DISP2: variants seen among roughly 807,000 people sequenced by gnomAD.
DISP2 encodes dispatched RND transporter family member 2.
DISP2 carries 59 observed loss-of-function variants against 95.5 expected under a neutral mutation model. The observed-to-expected ratio is 0.62, with a 90% CI of 0.50 to 0.77. The LOEUF is 0.77. Ranked by LOEUF, DISP2 falls within the 30% of genes least tolerant of loss-of-function variation. The pLI is 0.00. For missense variants in DISP2, 1,752 were observed against 1,854.6 expected (o/e 0.94, Z 1.02); for synonymous variants, 827 against 815.0 (o/e 1.01, Z -0.25).
At position 40,372,841 on chromosome 15, in the gene DISP2, C is replaced by T. The variant is rs1338573782; in HGVS notation, c.*2523C>T. The T allele has an allele frequency of 6.6e-6, 1 of 152,168 alleles. No individual in the cohort carries two copies. The allele number at this position is 152,168 out of a possible 1,614,324, so 9.4% of individuals were successfully genotyped here. On this transcript the variant is annotated 3_prime_UTR_variant, in exon 8 of 8. Coordinates refer to ENST00000267889, the MANE Select transcript of DISP2 (RefSeq NM_033510.3). ...GAATGCAGAGGGGTGGATGGGTGGG[C>T]ATGAGGGATCTGAGCACACCCGAGG...
At position 40,358,444 on chromosome 15, in the gene DISP2, G is replaced by A. The variant is rs931650385; in HGVS notation, c.119+4G>A. On this transcript the variant is annotated splice_donor_region_variant and intron_variant, in intron 1 of 7. Transcript: ENST00000267889. ...CAGACGGCGGCTCCCCGGACAGGTA[G>A]GGCGGACAGCTCCGCAGATCCGTAT... The A allele has an allele frequency of 1.1e-5, 15 of 1,308,988 alleles. No homozygotes were observed. In the African/African-American group the frequency reaches 2.3e-4, roughly 20 times the overall value. 81.1% of individuals were successfully genotyped at this position (1,308,988 alleles called of 1,614,324 possible). A position where few individuals can be genotyped will look rare whatever the true frequency, so the allele number is the denominator to read the frequency against.
intron 1 of DISP2, among the ~76,000 whole-genome samples, chr15:40,361,950 A>AC (rs2141258975): frequency 6.6e-6 from 1 of 151,884 alleles, no homozygotes; most frequent in South Asian, 2.1e-4. Flanking sequence ...CCCTCTGGGA[A>AC]CCCCCCATGG....
intron 7 of DISP2, 137 bp downstream of exon 7, chr15:40,365,862 C>A: frequency 3.5e-6 from 3 of 864,962 alleles, no homozygotes; most frequent in Non-Finnish European, 5.4e-6. Context: ...AAAATTATTC[C>A]AACCCTGCTG....
chr15:40,369,532 T>G lies in DISP2; in HGVS notation c.3420T>G (p.Gly1140=). The part of the protein sequence containing the change: ...LPWDAGTGDP[G]GEKAGRPRPG... The stretch of plus-strand genomic sequence containing the variant: ...GGGATGCTGGTACTGGGGACCCTGG[T>G]GGGGAGAAGGCAGGCCGCCCACGAC... The change falls in exon 8 of 8, where the codon GGT becomes GGG. Residue 1140 remains glycine (G), a synonymous_variant. Transcript: ENST00000267889. The G allele has an allele frequency of 3.1e-6, 5 of 1,612,802 alleles. No individual in the cohort carries two copies. Among genetic ancestry groups the G allele is most frequent in the African/African-American group, 1.3e-5 (1 of 75,000 alleles).
rs751050555 is a variant in DISP2, at chr15:40,368,511, C to T, written c.2399C>T (p.Ala800Val). 9 of 1,606,670 alleles carry T rather than the reference C, an allele frequency of 5.6e-6. No homozygotes were observed. The highest frequency in any genetic ancestry group is 8.5e-7 in the Non-Finnish European group (1 of 1,179,918). ...AACAGCAGCCTGGTGAGGGACCCTG[C>T]CTTCTCGGCCAGCGGCCCTGAGGCC... is the stretch of plus-strand genomic sequence containing the variant. ...RSNSSLVRDP[A>V]FSASGPEAQR... is the part of the protein sequence containing the mutation. Residue 800 changes from alanine (A) to valine (V), a missense_variant, in exon 8 of 8, where the codon GCC (alanine) becomes GTC (valine). Physicochemically the swap from Ala to Val is moderately conservative, Grantham distance 64 (BLOSUM62 0). This residue lies in a region of DISP2 where 732 missense variants were observed against 714.6 expected (regional missense o/e 1.02). Transcript: ENST00000267889.
rs1475605140 is a variant in DISP2, at chr15:40,369,709, T to C, written c.3597T>C (p.His1199=). The part of the protein sequence containing the change: ...PSVLSEDLQL[H]DGPCCSRPPP... ...TACTCTCTGAGGATCTGCAGCTCCA[T>C]GATGGTCCGTGCTGTTCCCGGCCCC... The change falls in exon 8 of 8, where the codon CAT becomes CAC. Residue 1199 remains histidine, a synonymous_variant. Transcript: ENST00000267889. 1.2e-6 allele frequency: 2 copies of C among 1,611,384 alleles called. No homozygotes were observed. The highest frequency in any genetic ancestry group is 1.7e-6 in the Non-Finnish European group (2 of 1,180,000).
Position 40,365,133 on chromosome 15 carries a change from T to G in DISP2, c.720-14T>G. On this transcript the variant is annotated splice_polypyrimidine_tract_variant and intron_variant, in intron 5 of 7. Transcript: ENST00000267889. The stretch of plus-strand genomic sequence containing the variant: ...CCCTAATGGTGCCTGGCATAGATAT[T>G]CTCTCCACTTCAGCTCGAGCTCCCA... 6.2e-7 allele frequency: 1 copy of G among 1,612,110 alleles called. No individual in the cohort carries two copies. Among genetic ancestry groups the G allele is most frequent in the African/African-American group, 1.3e-5 (1 of 74,904 alleles).
Position 40,359,623 on chromosome 15 carries a change from G to A in DISP2, c.119+1183G>A, listed in dbSNP as rs547424177. Among the ~76,000 whole-genome samples the A allele has an allele frequency of 1.8e-4, 27 of 152,348 alleles. 1 individual carries two copies. In the South Asian group the frequency reaches 5.4e-3, roughly 30 times the overall value. The stretch of plus-strand genomic sequence containing the variant: ...AGTCATTTGCTGTCTCAGATATCTT[G>A]CCAAGGATCAGCCATGTCCAGTCTC... On this transcript the variant is annotated intron_variant, in intron 1 of 7. Coordinates refer to ENST00000267889, the MANE Select transcript of DISP2 (RefSeq NM_033510.3).
Position 40,371,602 on chromosome 15 carries a change from G to A in DISP2, c.*1284G>A, listed in dbSNP as rs1268485284. ...CCTTTGGGAAGTGTATGAGTCTGAA[G>A]CTGCTTCCCAGGTTAGGGTCCCCAG... On this transcript the variant is annotated 3_prime_UTR_variant, in exon 8 of 8. Coordinates refer to ENST00000267889, the MANE Select transcript of DISP2 (RefSeq NM_033510.3). The A allele has an allele frequency of 6.6e-6, 1 of 152,202 alleles. No individual in the cohort carries two copies. The highest frequency in any genetic ancestry group is 1.5e-5 in the Non-Finnish European group (1 of 68,042). 9.4% of individuals were successfully genotyped at this position (152,202 alleles called of 1,614,324 possible). A position where few individuals can be genotyped will look rare whatever the true frequency, so the allele number is the denominator to read the frequency against.
At position 40,368,564 on chromosome 15, in the gene DISP2, C is replaced by T. The variant is rs754179386; in HGVS notation, c.2452C>T (p.Arg818Trp). 7 of 1,604,212 alleles carry T rather than the reference C, an allele frequency of 4.4e-6. No individual in the cohort carries two copies. The highest frequency in any genetic ancestry group is 5.1e-6 in the Non-Finnish European group (6 of 1,179,894). ...AQRWLLALCH[R>W]ARNQSFFDTL... Reference sequence around the variant, plus strand: ...GCGCTGGCTGCTGGCACTCTGTCACCGGGCCCGGAATCAGAGCTTCTTCGA... The same window carrying T: ...GCGCTGGCTGCTGGCACTCTGTCACTGGGCCCGGAATCAGAGCTTCTTCGA... Residue 818 changes from arginine (R) to tryptophan (W), a missense_variant, in exon 8 of 8, where the codon CGG (arginine) becomes TGG (tryptophan). Around this residue, in one of 5 missense-constraint regions of DISP2, gnomAD observed 732 missense variants for 714.6 expected, o/e 1.02. Transcript: ENST00000267889.
chr15:40,370,693 A>G lies in DISP2; in HGVS notation c.*375A>G. On this transcript the variant is annotated 3_prime_UTR_variant, in exon 8 of 8. Transcript: ENST00000267889. ...ACAAGAACTTCAGTGAGACTAAGGGACCCCCATCCTAGGGATCTTGTCAGG... is the reference window on the plus strand; with the variant it reads ...ACAAGAACTTCAGTGAGACTAAGGGGCCCCCATCCTAGGGATCTTGTCAGG... 4.1e-6 allele frequency: 2 copies of G among 485,166 alleles called. No individual in the cohort carries two copies. The highest frequency in any genetic ancestry group is 3.1e-5 in the South Asian group (2 of 64,796). The allele number at this position is 485,166 out of a possible 1,614,324, so 30.1% of individuals were successfully genotyped here.
chr15:40,358,891 C>T (rs1889363872), intron 1 of DISP2, among the ~76,000 whole-genome samples: 1 of 152,240 alleles, frequency 6.6e-6, no homozygotes, highest in African/African-American at 2.4e-5. Flanking sequence ...GGCAGACATT[C>T]GGCAGGCACG....
chr15:40,367,103 G>T lies in DISP2; in HGVS notation c.991G>T (p.Ala331Ser). Residue 331 changes from alanine (A) to serine (S), a missense_variant, in exon 8 of 8, where the codon GCC becomes TCC. By Grantham distance (99) the Ala-to-Ser change is moderately conservative. Coordinates refer to ENST00000267889, the MANE Select transcript of DISP2 (RefSeq NM_033510.3). ...CGGGGCTCTGTGCCAGCGGACAGCA[G>T]CCAACCAGTGCTGCCCCAGCTGGTC... ...SFGALCQRTA[A>S]NQCCPSWSLG... 1 of 1,613,290 alleles carries T rather than the reference G, an allele frequency of 6.2e-7. No homozygotes were observed. Among genetic ancestry groups the T allele is most frequent in the Non-Finnish European group, 8.5e-7 (1 of 1,180,010 alleles).
intron 7 of DISP2, 100 bp downstream of exon 7, chr15:40,365,825 G>A (rs1411285144): frequency 8.5e-7 from 1 of 1,169,786 alleles, no homozygotes; most frequent in Non-Finnish European, 1.3e-6. Flanking sequence ...CCAGGGGGTG[G>A]ACTGGGGAAG....
chr15:40,358,584 C>G (rs768942271), intron 1 of DISP2, 144 bp downstream of exon 1: 3 of 340,942 alleles, frequency 8.8e-6, no homozygotes, highest in Non-Finnish European at 9.4e-6. Flanking sequence ...AAGCTCCAGG[C>G]CCCCCTCGCC....
chr15:40,366,288 C>A (rs1191443894), intron 7 of DISP2, among the ~76,000 whole-genome samples: 2 of 152,216 alleles, frequency 1.3e-5, no homozygotes, highest in Non-Finnish European at 2.9e-5. Flanking sequence ...TGACTTCAGC[C>A]ATGTTTCTTA....
At chr15:40,363,585 C>T (rs778706980) in intron 1 of DISP2, 40 bp from the exon 2 acceptor site, 2 of 1,431,710 alleles carry the variant, frequency 1.4e-6, no homozygotes, top group African/African-American at 2.9e-5. Flanking sequence ...GGCCCACCAC[C>T]ATCCCCCACC....
chr15:40,369,888 C>T lies in DISP2; in HGVS notation c.3776C>T (p.Pro1259Leu). ...RQDSQGEEAE[P>L]LPASPEAPAH... ...GACTCCCAAGGGGAGGAGGCTGAGCCCCTGCCAGCCTCACCAGAAGCCCCA... is the reference window on the plus strand; with the variant it reads ...GACTCCCAAGGGGAGGAGGCTGAGCTCCTGCCAGCCTCACCAGAAGCCCCA... The change falls in exon 8 of 8, where the codon CCC becomes CTC. Residue 1259 changes from proline to leucine, a missense_variant. Transcript: ENST00000267889. 1 of 1,563,902 alleles carries T rather than the reference C, an allele frequency of 6.4e-7. No individual in the cohort carries two copies. Among genetic ancestry groups the T allele is most frequent in the East Asian group, 2.3e-5 (1 of 44,342 alleles).
Position 40,365,190 on chromosome 15 carries a change from G to C in DISP2, c.763G>C (p.Ala255Pro), listed in dbSNP as rs757051891. ...NTLRPAPRGSAQESAVRPRRM... is the reference protein window; with the variant it reads ...NTLRPAPRGSPQESAVRPRRM... The stretch of plus-strand genomic sequence containing the variant: ...TCTGAGGCCTGCACCCAGAGGCAGT[G>C]CCCAGGAGAGCGCTGTCCGGCCTCG... The change falls in exon 6 of 8, where the codon GCC becomes CCC. Residue 255 changes from alanine (A) to proline (P), a missense_variant. By Grantham distance (27) the Ala-to-Pro change is conservative. Coordinates refer to ENST00000267889, the MANE Select transcript of DISP2 (RefSeq NM_033510.3). The C allele has an allele frequency of 3.7e-6, 6 of 1,614,086 alleles. No individual in the cohort carries two copies. Among genetic ancestry groups the C allele is most frequent in the Admixed American group, 1.7e-5 (1 of 60,004 alleles).
Sources: allele counts gnomAD v4.1 joint callset (sites outside exome capture counted in the v4.1 genomes callset), GRCh38; gene constraint gnomAD v4.1.1; regional missense constraint gnomAD v4.1.1; transcripts MANE v1.5; gene names NCBI Gene and HGNC (gene_info 2026-07-23, HGNC 2026-07-21).